RAB12: variants seen among roughly 807,000 people sequenced by gnomAD.
RAB12 encodes RAB12, member RAS oncogene family, also known as ras-related protein Rab-12.
In RAB12, 11 loss-of-function variants were observed where a neutral mutation model predicts 28.4. The ratio of observed to expected loss-of-function variants is 0.39; its 90% CI spans 0.24 to 0.64. The LOEUF (loss-of-function observed/expected upper bound fraction) is 0.64. Ranked by LOEUF, RAB12 falls within the 30% of genes least tolerant of loss-of-function variation. The pLI is 0.50. For missense variants in RAB12, 276 were observed against 351.1 expected (o/e 0.79, Z 1.71); for synonymous variants, 138 against 145.3 (o/e 0.95, Z 0.36).
At chr18:8,610,459 A>T (rs961848653) in intron 1 of RAB12, among the ~76,000 whole-genome samples, 1 of 152,258 alleles carries the variant, frequency 6.6e-6, no homozygotes, top group Non-Finnish European at 1.5e-5. Context: ...CTAAAACTAC[A>T]GTAAGTTTCT....
chr18:8,633,869 A>G (rs1344560247), intron 3 of RAB12, among the ~76,000 whole-genome samples: 1 of 152,164 alleles, frequency 6.6e-6, no homozygotes, highest in African/African-American at 2.4e-5. Context: ...GGTTAATGTG[A>G]ACCGTGGGTT....
At chr18:8,635,668 C>A in intron 4 of RAB12, 46 bp downstream of exon 4, 1 of 1,160,258 alleles carries the variant, frequency 8.6e-7, no homozygotes, top group Non-Finnish European at 1.2e-6. Context: ...GTGCTTAGCG[C>A]TTGAGGTACT....
chr18:8,611,323 G>T (rs914073693), intron 1 of RAB12, among the ~76,000 whole-genome samples: 1 of 152,182 alleles, frequency 6.6e-6, no homozygotes, highest in Non-Finnish European at 1.5e-5. Flanking sequence ...GTTTAGAATT[G>T]TCAATATTTT....
intron 5 of RAB12, 129 bp downstream of exon 5, chr18:8,636,486 G>A (rs1598314862): frequency 1.6e-6 from 1 of 618,146 alleles, no homozygotes; most frequent in East Asian, 3.1e-5. Context: ...CAAGAACCAG[G>A]TATGGTTGTT....
intron 1 of RAB12, among the ~76,000 whole-genome samples, chr18:8,612,783 G>C (rs1163171978): frequency 6.6e-6 from 1 of 152,152 alleles, no homozygotes; most frequent in Admixed American, 6.5e-5. Context: ...CAATCTTCCT[G>C]CCGCAGCCTC....
chr18:8,636,420 T>C, intron 5 of RAB12, 63 bp downstream of exon 5: 1 of 1,017,464 alleles, frequency 9.8e-7, no homozygotes, highest in Non-Finnish European at 1.4e-6. Context: ...CCTTTATTGC[T>C]TTTTTATTGA....
chr18:8,635,770 T>C, intron 4 of RAB12, 148 bp downstream of exon 4: 1 of 549,820 alleles, frequency 1.8e-6, no homozygotes, highest in Non-Finnish European at 3.1e-6. Flanking sequence ...TGTTTGCACT[T>C]TTTTGACTTC....
In RAB12 at chr18:8,624,938, G is replaced by A. The variant is rs754316027; in HGVS notation, c.515G>A (p.Gly172Asp). 1.3e-6 allele frequency: 2 copies of A among 1,567,678 alleles called. No individual in the cohort carries two copies. Among genetic ancestry groups the A allele is most frequent in the Non-Finnish European group, 1.8e-6 (2 of 1,139,220 alleles). The change falls in exon 2 of 6, where the codon GGT becomes GAT. Residue 172 changes from glycine to aspartate, a missense_variant and splice_region_variant. This residue lies in a region of RAB12 where 76 missense variants were observed against 117.9 expected (regional missense o/e 0.64). Transcript: ENST00000649141. ...TFCEACKSTV[G>D]VDFKIKTVEL... ...TCACATTTATTTGTTTTATTTACAG[G>A]TGTTGACTTCAAAATCAAAACTGTA...
intron 1 of RAB12, among the ~76,000 whole-genome samples, chr18:8,624,227 A>G (rs1451979088): frequency 6.6e-6 from 1 of 152,260 alleles, no homozygotes; most frequent in Middle Eastern, 3.2e-3. Flanking sequence ...GTTGTGAAAT[A>G]TTTACATTTT....
chr18:8,615,899 A>G (rs2096006424), intron 1 of RAB12, among the ~76,000 whole-genome samples: 1 of 152,104 alleles, frequency 6.6e-6, no homozygotes, highest in Non-Finnish European at 1.5e-5. Context: ...ATTCTTAGAG[A>G]TTGCCTCTTT....
rs3050584 is a variant in RAB12 at position 8,613,829 on chromosome 18, A to AAGTAGTAGT, written c.514+3907_514+3915dup. 5.4e-3 allele frequency among the ~76,000 whole-genome samples: 797 copies of AAGTAGTAGT among 148,750 alleles called. 3 individuals are homozygous for AAGTAGTAGT. The highest frequency in any genetic ancestry group is 8.5e-3 in the East Asian group (42 of 4,962). ...TGTAGTTGTCTGTGCCTATAAATAGAAGTAGTAGTAGTAGTAGTAGTAGTA... is the reference window on the plus strand; with the variant it reads ...TGTAGTTGTCTGTGCCTATAAATAGAAGTAGTAGTAGTAGTAGTAGTAGTAGTAGTAGTA... On this transcript the variant is annotated intron_variant, in intron 1 of 5. Coordinates refer to ENST00000649141, the MANE Select transcript of RAB12 (RefSeq NM_001025300.3).
chr18:8,625,855 G>A (rs552151679), intron 2 of RAB12, among the ~76,000 whole-genome samples: 5 of 152,266 alleles, frequency 3.3e-5, no homozygotes, highest in South Asian at 4.1e-4. Flanking sequence ...TTTCATCTGC[G>A]TTAATTGCTG....
chr18:8,621,082 G>C (rs1466482569), intron 1 of RAB12, among the ~76,000 whole-genome samples: 1 of 152,158 alleles, frequency 6.6e-6, no homozygotes, highest in African/African-American at 2.4e-5. Context: ...ATAACCTGTA[G>C]GAAACCGGTT....
Position 8,609,972 on chromosome 18 carries a change from C to G in RAB12, c.514+19C>G, listed in dbSNP as rs549862802. 425 of 1,595,622 alleles carry G rather than the reference C, an allele frequency of 2.7e-4. 7 individuals carry two copies. In the Admixed American group the frequency reaches 7.1e-3, roughly 27 times the overall value. ...ACCGTGGGTAAGGGCGCCACGGCGA[C>G]CCTGGGCCGGGCCTCCTGGCGCCCG... is the stretch of plus-strand genomic sequence containing the variant. On this transcript the variant is annotated intron_variant, in intron 1 of 5. Transcript: ENST00000649141.
At chr18:8,612,227 C>G (rs1287735574) in intron 1 of RAB12, among the ~76,000 whole-genome samples, 1 of 152,200 alleles carries the variant, frequency 6.6e-6, no homozygotes, top group Non-Finnish European at 1.5e-5. Context: ...GAAAGCGCCT[C>G]CAGTCGAGGC....
intron 2 of RAB12, among the ~76,000 whole-genome samples, chr18:8,632,192 C>T (rs1006417752): frequency 1.1e-4 from 16 of 150,512 alleles, no homozygotes; most frequent in African/African-American, 3.9e-4. Flanking sequence ...GCAGGAGAAT[C>T]GCTTGAACTC....
chr18:8,614,113 A>G (rs558408448), intron 1 of RAB12, among the ~76,000 whole-genome samples: 46 of 152,160 alleles, frequency 3.0e-4, no homozygotes, highest in Non-Finnish European at 6.2e-4. Context: ...TGAAAATACT[A>G]ATGGCTCACA....
At position 8,639,164 on chromosome 18, in the gene RAB12, T is replaced by TTTTTTTTTTTTTTTTG; in HGVS notation, c.*917_*918insGTTTTTTTTTTTTTTT. 8.6e-6 allele frequency: 1 copy of TTTTTTTTTTTTTTTTG among 116,146 alleles called. No homozygotes were observed. The highest frequency in any genetic ancestry group is 8.9e-5 in the Admixed American group (1 of 11,198). 7.2% of individuals were successfully genotyped at this position (116,146 alleles called of 1,614,324 possible). On this transcript the variant is annotated 3_prime_UTR_variant, in exon 6 of 6. Transcript: ENST00000649141. ...ACTGTGTTCTTTTTTTTTTTTTTTT[T>TTTTTTTTTTTTTTTTG]TTTTTTTTTTTTTTTTTTTTTTTTT...
chr18:8,610,333 A>T (rs911168344), intron 1 of RAB12, among the ~76,000 whole-genome samples: 1 of 152,244 alleles, frequency 6.6e-6, no homozygotes, highest in Non-Finnish European at 1.5e-5. Flanking sequence ...CGGCCCGCCA[A>T]GGCCAGCGCG....
Sources: gnomAD v4.1 joint callset for allele counts (sites outside exome capture counted in the v4.1 genomes callset) on GRCh38, gnomAD v4.1.1 for gene constraint, gnomAD v4.1.1 regional missense constraint, MANE v1.5 for transcripts, NCBI Gene and HGNC (gene_info 2026-07-23, HGNC 2026-07-21) for gene names.